ROBO1: variants seen among roughly 807,000 people sequenced by gnomAD.
The protein encoded by ROBO1 is roundabout homolog 1.
In ROBO1, 149 loss-of-function variants were observed where a neutral mutation model predicts 195.9. The observed-to-expected ratio is 0.76, with a 90% CI of 0.67 to 0.87. The LOEUF (loss-of-function observed/expected upper bound fraction) is 0.87, where lower values mean the gene tolerates loss of function less well. Ranked by LOEUF, ROBO1 falls within the 40% of genes least tolerant of loss-of-function variation. ROBO1 has a pLI of 0.00. For synonymous variants in ROBO1, 816 were observed against 733.2 expected, an observed-to-expected ratio of 1.11 and a Z score of -1.82; for missense variants, 1,933 against 2,068.3, an observed-to-expected ratio of 0.93 and a Z score of 1.27.
chr3:79,300,222 G>A (rs1323623718), intron 2 of ROBO1, among the ~76,000 whole-genome samples: 3 of 152,220 alleles, frequency 2.0e-5, no homozygotes, highest in Non-Finnish European at 2.9e-5. Context: ...TGTGGGGGGA[G>A]AGGCGTGAGC....
At chr3:79,142,439 G>T (rs920471260) in intron 2 of ROBO1, among the ~76,000 whole-genome samples, 16 of 152,142 alleles carry the variant, frequency 1.1e-4, no homozygotes, top group African/African-American at 3.9e-4. Flanking sequence ...AAGAAGATTT[G>T]AAGGTATTTG....
chr3:79,608,197 C>T (rs1239816210), intron 1 of ROBO1, among the ~76,000 whole-genome samples: 1 of 151,918 alleles, frequency 6.6e-6, no homozygotes, highest in African/African-American at 2.4e-5. Flanking sequence ...TTATTATTAG[C>T]TTTACCATGT....
intron 3 of ROBO1, among the ~76,000 whole-genome samples, chr3:79,113,401 A>G (rs2079928778): frequency 6.6e-6 from 1 of 151,794 alleles, no homozygotes; most frequent in Admixed American, 6.6e-5. Flanking sequence ...TTTTTTTAAT[A>G]GAAAGAAGCT....
At chr3:79,031,948 T>G (rs761963933) in intron 3 of ROBO1, among the ~76,000 whole-genome samples, 16 of 152,164 alleles carry the variant, frequency 1.1e-4, no homozygotes, top group Non-Finnish European at 1.6e-4. Flanking sequence ...ATTAATATAG[T>G]ATTTTTAAAA....
chr3:79,743,949 T>C (rs1703762107), intron 1 of ROBO1, among the ~76,000 whole-genome samples: 1 of 152,158 alleles, frequency 6.6e-6, no homozygotes, highest in Non-Finnish European at 1.5e-5. Flanking sequence ...TCAGGCTGTT[T>C]TACAATTAAC....
At chr3:79,381,539 A>T (rs2036576546) in intron 2 of ROBO1, among the ~76,000 whole-genome samples, 1 of 151,864 alleles carries the variant, frequency 6.6e-6, no homozygotes, top group Non-Finnish European at 1.5e-5. Flanking sequence ...CATCCCTGTA[A>T]ACTGTTGTAA....
chr3:78,962,052 C>A (rs2041379125), intron 3 of ROBO1, among the ~76,000 whole-genome samples: 2 of 151,984 alleles, frequency 1.3e-5, no homozygotes, highest in Non-Finnish European at 2.9e-5. Context: ...ATTCGTCAAC[C>A]CTCACATTTT....
At chr3:79,321,021 A>G (rs2033955822) in intron 2 of ROBO1, among the ~76,000 whole-genome samples, 1 of 152,178 alleles carries the variant, frequency 6.6e-6, no homozygotes, top group African/African-American at 2.4e-5. Context: ...TTATCCCCCA[A>G]TATAATATGT....
At chr3:78,844,025 A>T (rs974661311) in intron 4 of ROBO1, among the ~76,000 whole-genome samples, 1 of 152,076 alleles carries the variant, frequency 6.6e-6, no homozygotes, top group South Asian at 2.1e-4. Context: ...AACTCCACTA[A>T]ATCACTTTAT....
At chr3:79,639,707 C>T (rs979810033) in intron 1 of ROBO1, among the ~76,000 whole-genome samples, 18 of 152,210 alleles carry the variant, frequency 1.2e-4, no homozygotes, top group African/African-American at 3.6e-4. Context: ...CCTGTAGACC[C>T]AACTATCATT....
intron 2 of ROBO1, among the ~76,000 whole-genome samples, chr3:79,486,586 A>G (rs556802918): frequency 3.3e-5 from 5 of 152,300 alleles, no homozygotes; most frequent in African/African-American, 1.2e-4. Flanking sequence ...TAACAGCAGA[A>G]TATCTCTTTA....
At chr3:78,855,557 T>A (rs920250822) in intron 4 of ROBO1, among the ~76,000 whole-genome samples, 1 of 152,170 alleles carries the variant, frequency 6.6e-6, no homozygotes, top group African/African-American at 2.4e-5. Flanking sequence ...ATCATAAGTA[T>A]TCAAATTAGA....
chr3:79,225,097 G>A (rs1312267761), intron 2 of ROBO1, among the ~76,000 whole-genome samples: 1 of 152,006 alleles, frequency 6.6e-6, no homozygotes, highest in Non-Finnish European at 1.5e-5. Flanking sequence ...GGAATAGCAT[G>A]TGTTTTATGG....
At chr3:78,602,559 T>C (rs927779038) in intron 29 of ROBO1, among the ~76,000 whole-genome samples, 1 of 152,170 alleles carries the variant, frequency 6.6e-6, no homozygotes, top group Admixed American at 6.5e-5. Flanking sequence ...TTTTACCCAG[T>C]CTCACAGATT....
Position 78,645,011 on chromosome 3 carries a change from A to T in ROBO1, c.2882+1137T>A, listed in dbSNP as rs529217254. 8.5e-5 allele frequency among the ~76,000 whole-genome samples: 13 copies of T among 152,230 alleles called. No individual in the cohort carries two copies. In the South Asian group the frequency reaches 2.7e-3, roughly 32 times the overall value. ...ATGTCTGGGCTGTGATTTAGATGGA[A>T]TTCCCCTGGATGCACAAACATGCCC... is the stretch of plus-strand genomic sequence containing the variant. On this transcript the variant is annotated intron_variant, in intron 21 of 30. Transcript: ENST00000464233.
At chr3:79,083,066 G>A (rs988071218) in intron 3 of ROBO1, among the ~76,000 whole-genome samples, 1 of 152,066 alleles carries the variant, frequency 6.6e-6, no homozygotes, top group African/African-American at 2.4e-5. Flanking sequence ...GTGTGGTGGT[G>A]CATGCCTGTA....
At chr3:79,494,685 T>C (rs1250616954) in intron 2 of ROBO1, among the ~76,000 whole-genome samples, 1 of 152,168 alleles carries the variant, frequency 6.6e-6, no homozygotes, top group African/African-American at 2.4e-5. Context: ...GAAAGCACTT[T>C]TGGCATTAAC....
intron 21 of ROBO1, among the ~76,000 whole-genome samples, chr3:78,645,939 CACTG>C (rs1435934529): frequency 4.6e-5 from 7 of 152,062 alleles, no homozygotes; most frequent in Admixed American, 2.0e-4. Flanking sequence ...CTCTAGTGGT[CACTG>C]ACTAAGATGC....
chr3:78,802,162 A>G (rs557427117), intron 4 of ROBO1, among the ~76,000 whole-genome samples: 6 of 152,298 alleles, frequency 3.9e-5, no homozygotes, highest in African/African-American at 1.4e-4. Context: ...AGTTACACAG[A>G]CATTGAAGGG....
Sources: allele counts gnomAD v4.1 joint callset (sites outside exome capture counted in the v4.1 genomes callset), GRCh38; gene constraint gnomAD v4.1.1; transcripts MANE v1.5; gene names NCBI Gene and HGNC (gene_info 2026-07-23, HGNC 2026-07-21).